The following TBC1D8 variants were observed in gnomAD, a reference collection of about 807,000 sequenced individuals.
TBC1D8 encodes BUB2-like protein 1.
TBC1D8 carries 65 observed loss-of-function variants against 118.8 expected under a neutral mutation model. The observed-to-expected ratio is 0.55, with a 90% CI of 0.45 to 0.67. TBC1D8 has a LOEUF of 0.67. TBC1D8 is among the 30% of genes least tolerant of loss of function. TBC1D8 has a pLI of 0.00. For synonymous variants in TBC1D8, 566 were observed against 595.8 expected, an observed-to-expected ratio of 0.95 and a Z score of 0.73; for missense variants, 1,376 against 1,471.2, an observed-to-expected ratio of 0.94 and a Z score of 1.06.
chr2:101,146,040 C>T (rs931077468), intron 1 of TBC1D8, among the ~76,000 whole-genome samples: 1 of 110,956 alleles, frequency 9.0e-6, no homozygotes, highest in African/African-American at 4.0e-5. Context: ...ACAATTAAGC[C>T]CTTGATGTAT....
intron 2 of TBC1D8, among the ~76,000 whole-genome samples, chr2:101,075,477 TAATTCCCAC>T (rs1394121155): frequency 6.6e-6 from 1 of 152,110 alleles, no homozygotes; most frequent in Non-Finnish European, 1.5e-5. Flanking sequence ...TCTTGAATTG[TAATTCCCAC>T]AATTCCCACG....
intron 1 of TBC1D8, among the ~76,000 whole-genome samples, chr2:101,113,851 GAGCTCCCC>G (rs1677711352): frequency 6.6e-6 from 1 of 152,234 alleles, no homozygotes; most frequent in African/African-American, 2.4e-5. Context: ...CACGCAGGAA[GAGCTCCCC>G]AGGGAGCCTG....
rs550482770 is a variant in TBC1D8 at position 101,101,430 on chromosome 2, T to A, written c.128-11066A>T. 5.3e-5 allele frequency among the ~76,000 whole-genome samples: 8 copies of A among 152,250 alleles called. No individual in the cohort carries two copies. The South Asian group carries it at 6.2e-4, about 12-fold the overall frequency. On this transcript the variant is annotated intron_variant, in intron 1 of 19. Transcript: ENST00000409318. The stretch of plus-strand genomic sequence containing the variant: ...TGGCGAGGCTGTGGAGAAATAGGAA[T>A]GCTTTTACACTGTTGGTGGGAATGT...
At chr2:101,050,003 A>G (rs1681959233) in intron 5 of TBC1D8, among the ~76,000 whole-genome samples, 1 of 151,672 alleles carries the variant, frequency 6.6e-6, no homozygotes, top group Non-Finnish European at 1.5e-5. Context: ...ATTTTTTTGT[A>G]TTTTTAGTAG....
intron 16 of TBC1D8, among the ~76,000 whole-genome samples, chr2:101,021,960 C>T (rs1680054792): frequency 6.6e-6 from 1 of 152,170 alleles, no homozygotes; most frequent in East Asian, 1.9e-4. Context: ...TGTCTGGCCT[C>T]ATACCTTCCA....
rs774726038 is a variant in TBC1D8 at position 101,022,336 on chromosome 2, G to C, written c.2706C>G (p.Leu902=). 1.2e-6 allele frequency: 2 copies of C among 1,612,704 alleles called. No individual in the cohort carries two copies. Among genetic ancestry groups the C allele is most frequent in the Admixed American group, 3.4e-5 (2 of 59,426 alleles). The change falls in exon 16 of 20, where the codon CTC becomes CTG. Residue 902 remains leucine (L), a synonymous_variant. Transcript: ENST00000409318. ...TEILAERTFR[L]LDDNMDQLIE... Reference sequence around the variant, plus strand: ...TGAGCTGGTCCATGTTGTCATCCAAGAGCCTGAACGTCCTTTCGGCGAGGA... The same window carrying C: ...TGAGCTGGTCCATGTTGTCATCCAACAGCCTGAACGTCCTTTCGGCGAGGA...
chr2:101,091,626 G>A (rs138771471), intron 1 of TBC1D8, among the ~76,000 whole-genome samples: 14 of 152,274 alleles, frequency 9.2e-5, no homozygotes, highest in Non-Finnish European at 1.0e-4. Context: ...TCAGGAGGCT[G>A]AGGCGGGAGG....
intron 1 of TBC1D8, among the ~76,000 whole-genome samples, chr2:101,129,104 T>A (rs921103530): frequency 1.6e-4 from 25 of 152,252 alleles, no homozygotes; most frequent in African/African-American, 5.8e-4. Context: ...ATGTTATGTA[T>A]ATTTACCACA....
At chr2:101,097,060 G>C (rs182216009) in intron 1 of TBC1D8, among the ~76,000 whole-genome samples, 1 of 152,036 alleles carries the variant, frequency 6.6e-6, no homozygotes, top group Non-Finnish European at 1.5e-5. Flanking sequence ...AAGATGAAGA[G>C]AATGTTCTAA....
chr2:101,058,218 A>T (rs976190805), intron 3 of TBC1D8, among the ~76,000 whole-genome samples: 2 of 152,166 alleles, frequency 1.3e-5, no homozygotes, highest in Non-Finnish European at 2.9e-5. Flanking sequence ...TAACTCCAAG[A>T]AGACATTGTC....
chr2:101,020,738 G>C (rs902314820), intron 17 of TBC1D8, among the ~76,000 whole-genome samples: 1 of 152,094 alleles, frequency 6.6e-6, no homozygotes, highest in African/African-American at 2.4e-5. Context: ...CCCCTCATCC[G>C]AAGTGTTAAA....
chr2:101,050,068 C>T (rs1486737852), intron 5 of TBC1D8, among the ~76,000 whole-genome samples: 1 of 152,092 alleles, frequency 6.6e-6, no homozygotes, highest in Non-Finnish European at 1.5e-5. Flanking sequence ...ACCTCGTGAT[C>T]CACCCGCCTC....
chr2:101,058,341 T>C (rs1221627854), intron 3 of TBC1D8, among the ~76,000 whole-genome samples: 1 of 152,228 alleles, frequency 6.6e-6, no homozygotes, highest in African/African-American at 2.4e-5. Flanking sequence ...TTGACACCCT[T>C]TACTAAAAGC....
chr2:101,010,445 C>T (rs17025182), intron 19 of TBC1D8, among the ~76,000 whole-genome samples: 3,997 of 152,172 alleles, frequency 0.026, 199 homozygotes, highest in African/African-American at 0.091. Context: ...GTGGCAGCCT[C>T]CTGTTTTGAA....
Position 101,090,374 on chromosome 2 carries a change from A to G in TBC1D8, c.128-10T>C, listed in dbSNP as rs776970220. The G allele has an allele frequency of 1.1e-5, 18 of 1,613,538 alleles. No homozygotes were observed. In the South Asian group the frequency reaches 1.8e-4, roughly 16 times the overall value. Reference sequence around the variant, plus strand: ...GCGCCGACCAGGCGACCTTCAAAAGAAAAGAGAAGAAAGTGCACCTGTGAG... The same window carrying G: ...GCGCCGACCAGGCGACCTTCAAAAGGAAAGAGAAGAAAGTGCACCTGTGAG... On this transcript the variant is annotated splice_polypyrimidine_tract_variant and intron_variant, in intron 1 of 19. Coordinates refer to ENST00000409318, the MANE Select transcript of TBC1D8 (RefSeq NM_001330348.2).
In TBC1D8 at chr2:101,040,205, G is replaced by A; in HGVS notation, c.1053C>T (p.Cys351=). ...YICFASREDG[C]CKIILPLREV... is the part of the protein sequence containing the mutation. ...CTCTGAGTGGCAGGATGATCTTACA[G>A]CAGCCATCTTCTCTGCTGGCAAAGC... The change falls in exon 6 of 20, where the codon TGC becomes TGT. Residue 351 remains cysteine, a synonymous_variant. Transcript: ENST00000409318. 6.2e-7 allele frequency: 1 copy of A among 1,614,008 alleles called. No homozygotes were observed. Among genetic ancestry groups the A allele is most frequent in the Admixed American group, 1.7e-5 (1 of 60,028 alleles).
intron 15 of TBC1D8, chr2:101,023,606 A>G: frequency 2.3e-6 from 1 of 440,152 alleles, no homozygotes. Flanking sequence ...ACATGAATAC[A>G]TTAACAATTT....
chr2:101,104,125 A>T (rs1261029768), intron 1 of TBC1D8, among the ~76,000 whole-genome samples: 3 of 152,222 alleles, frequency 2.0e-5, no homozygotes, highest in Non-Finnish European at 4.4e-5. Context: ...CATTGACAAC[A>T]GTAAAAGGTA....
chr2:101,039,409 GGAGTTTGA>G (rs1325179161), intron 6 of TBC1D8, among the ~76,000 whole-genome samples: 1 of 152,180 alleles, frequency 6.6e-6, no homozygotes, highest in Non-Finnish European at 1.5e-5. Flanking sequence ...ATTGAGCCCA[GGAGTTTGA>G]GACCAGCCTG....
Sources: gnomAD v4.1 joint callset for allele counts (sites outside exome capture counted in the v4.1 genomes callset) on GRCh38, gnomAD v4.1.1 for gene constraint, MANE v1.5 for transcripts, NCBI Gene and HGNC (gene_info 2026-07-23, HGNC 2026-07-21) for gene names.